The following ABCA13 variants were observed in gnomAD, a reference collection of about 807,000 sequenced individuals.
ABCA13 encodes the protein ATP binding cassette subfamily A member 13, also known as ATP-binding cassette sub-family A member 13.
Under a neutral mutation model 478.7 loss-of-function variants are expected in ABCA13, and 476 were observed. The ratio of observed to expected loss-of-function variants is 0.99; its 90% confidence interval spans 0.92 to 1.07. ABCA13 has a LOEUF of 1.07. Ranked by LOEUF, ABCA13 falls within the 50% of genes least tolerant of loss-of-function variation. ABCA13 has a pLI of 0.00. For synonymous variants in ABCA13, 2,252 were observed against 2,158.9 expected (o/e 1.04, Z -1.20); for missense variants, 6,060 against 5,910.6 (o/e 1.03, Z -0.83).
chr7:48,644,984 TG>T (rs1795345297), intron 61 of ABCA13, among the ~76,000 whole-genome samples: 1 of 152,196 alleles, frequency 6.6e-6, no homozygotes, highest in East Asian at 1.9e-4. Context: ...CATATTATTT[TG>T]GGCATTTAAC....
intron 59 of ABCA13, among the ~76,000 whole-genome samples, chr7:48,625,026 T>C (rs1279414480): frequency 6.6e-6 from 1 of 152,216 alleles, no homozygotes; most frequent in Non-Finnish European, 1.5e-5. Context: ...AAGGATCCCA[T>C]CATAGATGTG....
At chr7:48,299,973 A>G (rs764296180) in intron 23 of ABCA13, among the ~76,000 whole-genome samples, 5 of 152,218 alleles carry the variant, frequency 3.3e-5, no homozygotes, top group Non-Finnish European at 7.3e-5. Flanking sequence ...AAAAAGTTGC[A>G]TTCTTGCGTT....
intron 42 of ABCA13, among the ~76,000 whole-genome samples, chr7:48,432,260 C>G (rs1822248437): frequency 6.6e-6 from 1 of 151,880 alleles, no homozygotes; most frequent in Non-Finnish European, 1.5e-5. Context: ...CAAATGAAAA[C>G]CACAATGAGA....
chr7:48,288,041 C>G lies in ABCA13; in HGVS notation c.8918C>G (p.Ala2973Gly). 6.2e-7 allele frequency: 1 copy of G among 1,613,988 alleles called. No individual in the cohort carries two copies. The highest frequency in any genetic ancestry group is 8.5e-7 in the Non-Finnish European group (1 of 1,179,876). Residue 2973 changes from alanine to glycine, a missense_variant, in exon 20 of 62, where the codon GCT becomes GGT. Coordinates refer to ENST00000435803, the MANE Select transcript of ABCA13 (RefSeq NM_152701.5). ...QNGIRHLILS[A>G]IQGVTLAQDH... ...GGGATAAGGCATCTCATTTTATCTG[C>G]TATACAAGGGGTCACTTTGGCGCAG...
chr7:48,175,958 T>C (rs1004040522), intron 1 of ABCA13, among the ~76,000 whole-genome samples: 1 of 152,192 alleles, frequency 6.6e-6, no homozygotes, highest in Non-Finnish European at 1.5e-5. Flanking sequence ...GCTCTTAGTT[T>C]TGCAGTCTGT....
chr7:48,627,136 T>G, intron 59 of ABCA13: 1 of 771,800 alleles, frequency 1.3e-6, no homozygotes, highest in Non-Finnish European at 1.6e-6. Context: ...TATTACGTAA[T>G]GGCTATTATT....
At chr7:48,363,423 G>A (rs939900331) in intron 31 of ABCA13, among the ~76,000 whole-genome samples, 1 of 152,004 alleles carries the variant, frequency 6.6e-6, no homozygotes, top group African/African-American at 2.4e-5. Flanking sequence ...TTTCATTGTT[G>A]AACATTCTAG....
At chr7:48,391,649 T>C (rs1441578748) in intron 37 of ABCA13, among the ~76,000 whole-genome samples, 1 of 152,206 alleles carries the variant, frequency 6.6e-6, no homozygotes, top group Non-Finnish European at 1.5e-5. Context: ...TTTTCAACTT[T>C]TTATGGGTTT....
rs781491800 is a variant in ABCA13, at chr7:48,273,560, A to G, written c.3894A>G (p.Ile1298Met). 8 of 1,582,644 alleles carry G rather than the reference A, an allele frequency of 5.1e-6. No individual in the cohort carries two copies. The highest frequency in any genetic ancestry group is 6.0e-6 in the Non-Finnish European group (7 of 1,162,306). ...FIEFSSTSEY[I>M]VRNLDSINDF... ...AGTTTAGCAGTACCTCAGAATATAT[A>G]GTCAGAAATCTAGATTCAATAAATG... is the stretch of plus-strand genomic sequence containing the variant. The change falls in exon 17 of 62, where the codon ATA becomes ATG. Residue 1298 changes from isoleucine to methionine, a missense_variant. Physicochemically the swap from Ile to Met is conservative, Grantham distance 10. This residue lies in a region of ABCA13 where 4,423 missense variants were observed against 4,309.1 expected (regional missense o/e 1.03). Transcript: ENST00000435803.
At chr7:48,387,605 G>A (rs1461241704) in intron 35 of ABCA13, among the ~76,000 whole-genome samples, 1 of 152,140 alleles carries the variant, frequency 6.6e-6, no homozygotes, top group Non-Finnish European at 1.5e-5. Flanking sequence ...CTGAGAGGGG[G>A]TTTTAGCACA....
intron 49 of ABCA13, among the ~76,000 whole-genome samples, chr7:48,507,317 G>A (rs1585636888): frequency 6.6e-6 from 1 of 152,212 alleles, no homozygotes; most frequent in East Asian, 1.9e-4. Flanking sequence ...AGAGGAGGCA[G>A]CAATTGACTT....
At chr7:48,370,814 G>A (rs757054764) in intron 32 of ABCA13, among the ~76,000 whole-genome samples, 21 of 152,052 alleles carry the variant, frequency 1.4e-4, no homozygotes, top group Non-Finnish European at 3.1e-4. Context: ...AGGGTCACAC[G>A]TCATGGAACT....
chr7:48,341,043 A>C (rs574652282), intron 29 of ABCA13, among the ~76,000 whole-genome samples: 60 of 152,282 alleles, frequency 3.9e-4, no homozygotes, highest in African/African-American at 1.4e-3. Flanking sequence ...CATTTCCCTG[A>C]TCAGTTGCTC....
chr7:48,242,264 G>T (rs1232058443), intron 10 of ABCA13, among the ~76,000 whole-genome samples: 1 of 137,748 alleles, frequency 7.3e-6, no homozygotes, highest in Non-Finnish European at 1.6e-5. Flanking sequence ...AGCTGTACTT[G>T]GCTCTTAGTC....
chr7:48,423,493 T>C (rs1821037882), intron 41 of ABCA13, among the ~76,000 whole-genome samples: 1 of 151,290 alleles, frequency 6.6e-6, no homozygotes, highest in African/African-American at 2.4e-5. Context: ...TGGGGTCTCA[T>C]GCTGCTTGAC....
chr7:48,560,501 A>G (rs968530961), intron 55 of ABCA13, among the ~76,000 whole-genome samples: 4 of 152,014 alleles, frequency 2.6e-5, no homozygotes, highest in Non-Finnish European at 5.9e-5. Flanking sequence ...TGCTCACCTA[A>G]TTTTTGGTTC....
At chr7:48,481,894 T>C (rs1219146466) in intron 46 of ABCA13, among the ~76,000 whole-genome samples, 1 of 152,144 alleles carries the variant, frequency 6.6e-6, no homozygotes, top group Non-Finnish European at 1.5e-5. Flanking sequence ...AATGAGTGTA[T>C]TCAGTTGAGC....
chr7:48,594,113 A>C (rs189300471), intron 57 of ABCA13, among the ~76,000 whole-genome samples: 1 of 152,182 alleles, frequency 6.6e-6, no homozygotes. Context: ...AAATTTGGGA[A>C]TGTTTCAGCC....
intron 23 of ABCA13, among the ~76,000 whole-genome samples, chr7:48,306,534 G>A (rs778442488): frequency 1.3e-5 from 2 of 152,140 alleles, no homozygotes; most frequent in East Asian, 1.9e-4. Flanking sequence ...TGAAAGCAAA[G>A]GGTAGATGCC....
Sources: allele counts gnomAD v4.1 joint callset (sites outside exome capture counted in the v4.1 genomes callset), GRCh38; gene constraint gnomAD v4.1.1; regional missense constraint gnomAD v4.1.1; transcripts MANE v1.5; gene names NCBI Gene and HGNC (gene_info 2026-07-23, HGNC 2026-07-21).